Variants in FBXO31 observed in about 807,000 individuals in gnomAD.
FBXO31 encodes F-box protein 31.
A neutral mutation model predicts 54.4 loss-of-function variants in FBXO31; 24 were observed. The ratio of observed to expected loss-of-function variants is 0.44; its 90% CI spans 0.32 to 0.62. The LOEUF is 0.62. FBXO31 is among the 20% of genes least tolerant of loss of function. FBXO31 has a pLI of 0.05. For missense variants in FBXO31, 665 were observed against 787.1 expected (o/e 0.84, Z 1.86); for synonymous variants, 388 against 335.6 (o/e 1.16, Z -1.71).
At position 87,345,336 on chromosome 16, in the gene FBXO31, C is replaced by T. The variant is rs1327731484; in HGVS notation, c.490-1571G>A. On this transcript the variant is annotated intron_variant, in intron 3 of 8. Coordinates refer to ENST00000311635, the MANE Select transcript of FBXO31 (RefSeq NM_024735.5). This position sits in a 1 kb window ranked among gnomAD's most constrained non-coding sequence, Gnocchi z 4.9. ...AGGAGGGTGCGGGGAGGGCGGGAGG[C>T]AGGGTGGGAGGGAGGGAGGGGAAGA... 1.2e-4 allele frequency among the ~76,000 whole-genome samples: 2 copies of T among 16,498 alleles called. No individual in the cohort carries two copies. The highest frequency in any genetic ancestry group is 2.4e-4 in the Non-Finnish European group (2 of 8,270). The allele number at this position is 16,498 out of a possible 152,430, so 10.8% of individuals were successfully genotyped here.
intron 3 of FBXO31, 110 bp from the exon 4 acceptor site, chr16:87,343,875 G>T: frequency 8.3e-7 from 1 of 1,211,654 alleles, no homozygotes; most frequent in Non-Finnish European, 1.2e-6. Context: ...TGCCAGACCA[G>T]CACATGGGAC....
chr16:87,384,516 C>T (rs969036822), upstream of FBXO31, among the ~76,000 whole-genome samples: 2 of 152,378 alleles, frequency 1.3e-5, no homozygotes, highest in Middle Eastern at 3.4e-3. Flanking sequence ...CTGCTGGGAG[C>T]CGCGCACGCC....
At chr16:87,378,015 C>G (rs767146794) in intron 1 of FBXO31, among the ~76,000 whole-genome samples, 8 of 151,506 alleles carry the variant, frequency 5.3e-5, no homozygotes, top group African/African-American at 1.9e-4. Flanking sequence ...AAAAATTAGC[C>G]AAGCATGGTG....
At chr16:87,374,669 A>G (rs1156540023) in intron 1 of FBXO31, among the ~76,000 whole-genome samples, 1 of 152,224 alleles carries the variant, frequency 6.6e-6, no homozygotes, top group African/African-American at 2.4e-5. Context: ...ATTCACGGAG[A>G]AAACGGCAAG....
chr16:87,373,028 C>G (rs535638464), intron 1 of FBXO31, among the ~76,000 whole-genome samples: 2 of 148,724 alleles, frequency 1.3e-5, no homozygotes, highest in Non-Finnish European at 3.0e-5. Flanking sequence ...AGCCACTGCA[C>G]CCGGCCTCTT....
Position 87,343,746 on chromosome 16 carries a change from A to T in FBXO31, c.509T>A (p.Ile170Asn). The change falls in exon 4 of 9, where the codon ATC becomes AAC. Residue 170 changes from isoleucine (I) to asparagine (N), a missense_variant. Around this residue, in one of 4 missense-constraint regions of FBXO31, gnomAD observed 234 missense variants for 346.8 expected, o/e 0.67. Transcript: ENST00000311635. ...LNVVVDGLFI[I>N]GWMYLPPHDP... is the part of the protein sequence containing the mutation. ...ATGGGGAGGCAGGTACATCCACCCG[A>T]TGATGAACAGGCCGTCCACCTACAG... 1 of 1,614,226 alleles carries T rather than the reference A, an allele frequency of 6.2e-7. No homozygotes were observed. The highest frequency in any genetic ancestry group is 8.5e-7 in the Non-Finnish European group (1 of 1,180,032).
At chr16:87,377,433 G>A (rs116952387) in intron 1 of FBXO31, among the ~76,000 whole-genome samples, 41 of 152,266 alleles carry the variant, frequency 2.7e-4, no homozygotes, top group East Asian at 1.7e-3. Context: ...GTGACATCAC[G>A]AGGGAGACCC....
intron 1 of FBXO31, among the ~76,000 whole-genome samples, chr16:87,377,253 T>C (rs1271750044): frequency 6.6e-6 from 1 of 152,176 alleles, no homozygotes; most frequent in African/African-American, 2.4e-5. Context: ...CAGACCAGCC[T>C]GGGCAACGTG....
chr16:87,350,867 G>A (rs1304530966), intron 2 of FBXO31, among the ~76,000 whole-genome samples: 2 of 152,202 alleles, frequency 1.3e-5, no homozygotes, highest in Non-Finnish European at 2.9e-5. Context: ...GTGCTGAAAA[G>A]CAGCATTTCT....
intron 5 of FBXO31, among the ~76,000 whole-genome samples, chr16:87,340,742 G>A (rs1013348596): frequency 2.0e-5 from 3 of 152,142 alleles, no homozygotes; most frequent in Middle Eastern, 3.2e-3. Context: ...AAGATCACTC[G>A]AGCCAGGAGT....
intron 1 of FBXO31, among the ~76,000 whole-genome samples, chr16:87,364,614 C>T (rs558945411): frequency 4.1e-4 from 63 of 152,286 alleles, no homozygotes; most frequent in Non-Finnish European, 6.9e-4. Flanking sequence ...AGGGACGCGT[C>T]ACCCCAGGCC....
In FBXO31 at chr16:87,355,829, C is replaced by T. The variant is rs59109014; in HGVS notation, c.412+4466G>A. On this transcript the variant is annotated intron_variant, in intron 2 of 8. Coordinates refer to ENST00000311635, the MANE Select transcript of FBXO31 (RefSeq NM_024735.5). The stretch of plus-strand genomic sequence containing the variant: ...CTGCCTCGGGGACAAAAGGAATGTC[C>T]CCTGCCCCCAGTGCAACTCTGAAGA... 1.3e-4 allele frequency among the ~76,000 whole-genome samples: 20 copies of T among 152,292 alleles called. No homozygotes were observed. In the East Asian group the frequency reaches 3.9e-3, roughly 29 times the overall value.
chr16:87,364,850 C>T (rs1906284975), intron 1 of FBXO31, among the ~76,000 whole-genome samples: 1 of 150,398 alleles, frequency 6.6e-6, no homozygotes, highest in African/African-American at 2.5e-5. Context: ...GGCGAGAGCC[C>T]ATCTCTACAA....
At position 87,328,233 on chromosome 16, in the gene FBXO31, A is replaced by C. The variant is rs1904719034; in HGVS notation, c.*3055T>G. 1 of 152,350 alleles carries C rather than the reference A, an allele frequency of 6.6e-6. No homozygotes were observed. The highest frequency in any genetic ancestry group is 2.4e-5 in the African/African-American group (1 of 41,550). 9.4% of individuals were successfully genotyped at this position (152,350 alleles called of 1,614,324 possible). A position where few individuals can be genotyped will look rare whatever the true frequency, so the allele number is the denominator to read the frequency against. ...GCACAACTGCAGGTTCTCAGAGAAA[A>C]ATCTCCAGCTCAGACCCGGTTCTGC... On this transcript the variant is annotated 3_prime_UTR_variant, in exon 9 of 9. Coordinates refer to ENST00000311635, the MANE Select transcript of FBXO31 (RefSeq NM_024735.5).
chr16:87,338,290 T>C lies in FBXO31; in HGVS notation c.733-2026A>G, dbSNP rs1184268207. Among the ~76,000 whole-genome samples, 1 of 150,460 alleles carries C rather than the reference T, an allele frequency of 6.6e-6. No individual in the cohort carries two copies. Among genetic ancestry groups the C allele is most frequent in the African/African-American group, 2.4e-5 (1 of 41,026 alleles). On this transcript the variant is annotated intron_variant, in intron 5 of 8. Transcript: ENST00000311635. The surrounding 1 kb of genome is among the most constrained non-coding windows in gnomAD (Gnocchi z 4.3). Reference sequence around the variant, plus strand: ...ATGCACGACAACGATCAACTTCACGTTGACCCAGGGCCTGCTCACTCAACA... The same window carrying C: ...ATGCACGACAACGATCAACTTCACGCTGACCCAGGGCCTGCTCACTCAACA...
At chr16:87,342,979 G>A (rs1192146654) in intron 4 of FBXO31, 28 bp from the exon 5 acceptor site, 29 of 1,575,976 alleles carry the variant, frequency 1.8e-5, no homozygotes, top group Non-Finnish European at 2.4e-5. Flanking sequence ...CAAGGAAAGA[G>A]AAGAGTGAGG....
chr16:87,353,575 A>G (rs1905759911), intron 2 of FBXO31, among the ~76,000 whole-genome samples: 1 of 152,236 alleles, frequency 6.6e-6, no homozygotes, highest in South Asian at 2.1e-4. Context: ...GGCTGCGGCA[A>G]CGTGGCCAGA....
rs1393143179 is a variant in FBXO31 at position 87,345,619 on chromosome 16, T to A, written c.489+1555A>T. Among the ~76,000 whole-genome samples, 1 of 152,050 alleles carries A rather than the reference T, an allele frequency of 6.6e-6. No homozygotes were observed. The highest frequency in any genetic ancestry group is 2.4e-5 in the African/African-American group (1 of 41,374). On this transcript the variant is annotated intron_variant, in intron 3 of 8. Transcript: ENST00000311635. This position sits in a 1 kb window ranked among gnomAD's most constrained non-coding sequence, Gnocchi z 4.9. ...GCTCATATCAAACCTGCCCTCCTGC[T>A]GAGACCAGCCACGAAGACTGAACAC... is the stretch of plus-strand genomic sequence containing the variant.
chr16:87,387,925 A>C (rs1276285322), upstream of FBXO31, among the ~76,000 whole-genome samples: 1 of 152,218 alleles, frequency 6.6e-6, no homozygotes, highest in Non-Finnish European at 1.5e-5. Context: ...CACTAACTGG[A>C]AAGAAGGGAA....
Sources: gnomAD v4.1 joint callset for allele counts (sites outside exome capture counted in the v4.1 genomes callset) on GRCh38, gnomAD v4.1.1 for gene constraint, gnomAD v4.1.1 regional missense constraint, Gnocchi (gnomAD v3.1) non-coding constraint, MANE v1.5 for transcripts, NCBI Gene and HGNC (gene_info 2026-07-23, HGNC 2026-07-21) for gene names.